The following NCKAP5 variants were observed in gnomAD, a reference collection of about 807,000 sequenced individuals.
NCKAP5 encodes the protein NCK associated protein 5.
A neutral mutation model predicts 167.0 loss-of-function variants in NCKAP5; 92 were observed. The observed-to-expected ratio is 0.55, with a 90% CI of 0.47 to 0.66. NCKAP5 has a LOEUF of 0.66. NCKAP5 is among the 30% of genes least tolerant of loss of function. NCKAP5 has a pLI of 0.00. For missense variants in NCKAP5, 2,378 were observed against 2,315.0 expected, an observed-to-expected ratio of 1.03 and a Z score of -0.56; for synonymous variants, 891 against 877.4, an observed-to-expected ratio of 1.02 and a Z score of -0.27.
chr2:133,579,319 T>A, the NCKAP5 span, among the ~76,000 whole-genome samples: 2 of 152,312 alleles, frequency 1.3e-5, no homozygotes, highest in East Asian at 3.9e-4. Flanking sequence ...GTGTATGTAC[T>A]CTGACTATAG....
chr2:133,541,039 A>G (rs1251616413), intron 2 of NCKAP5, among the ~76,000 whole-genome samples: 2 of 150,928 alleles, frequency 1.3e-5, no homozygotes, highest in African/African-American at 4.8e-5. Flanking sequence ...AAAGATACTA[A>G]ATAAATCTTA....
intron 4 of NCKAP5, among the ~76,000 whole-genome samples, chr2:133,240,418 T>C (rs2087630697): frequency 6.6e-6 from 1 of 152,110 alleles, no homozygotes; most frequent in Non-Finnish European, 1.5e-5. Context: ...ATTGCTCCAA[T>C]ACAGTGTCCG....
Position 133,320,524 on chromosome 2 carries a change from C to T in NCKAP5, c.70-17414G>A, listed in dbSNP as rs190146590. Among the ~76,000 whole-genome samples the T allele has an allele frequency of 1.8e-3, 269 of 152,202 alleles. 3 individuals carry two copies. Among genetic ancestry groups the T allele is most frequent in the East Asian group, 2.5e-3 (13 of 5,156 alleles). ...TGGGCAGATCACGAGGTCAGGAGAT[C>T]GAGACCATCCTGGCTAACATGGTGA... On this transcript the variant is annotated intron_variant, in intron 3 of 19. Transcript: ENST00000409261.
intron 3 of NCKAP5, among the ~76,000 whole-genome samples, chr2:133,432,377 G>A (rs1299865846): frequency 6.6e-6 from 1 of 152,202 alleles, no homozygotes; most frequent in Non-Finnish European, 1.5e-5. Flanking sequence ...ACTCAGTTGA[G>A]TTTAAAATAT....
At chr2:132,677,672 G>C (rs78180284) in intron 19 of NCKAP5, among the ~76,000 whole-genome samples, 2 of 151,938 alleles carry the variant, frequency 1.3e-5, no homozygotes, top group Non-Finnish European at 2.9e-5. Flanking sequence ...ACCATGAGTT[G>C]CCCAGAGGGT....
chr2:133,456,200 A>T (rs1574985562), intron 3 of NCKAP5, among the ~76,000 whole-genome samples: 1 of 152,168 alleles, frequency 6.6e-6, no homozygotes, highest in Non-Finnish European at 1.5e-5. Flanking sequence ...TCACTAACAA[A>T]ACCCCCATAT....
intron 3 of NCKAP5, among the ~76,000 whole-genome samples, chr2:133,373,872 T>C (rs1685965559): frequency 6.6e-6 from 1 of 152,194 alleles, no homozygotes. Flanking sequence ...GACGTTCACA[T>C]GCCAAAAAGT....
chr2:133,116,487 C>CAAAAA (rs1176731938), intron 6 of NCKAP5, among the ~76,000 whole-genome samples: 43 of 7,116 alleles, frequency 6.0e-3, no homozygotes, highest in Non-Finnish European at 8.6e-3. Context: ...GACTCCGTCT[C>CAAAAA]AAAAAAAAAA....
At chr2:133,329,330 C>T (rs1682673144) in intron 3 of NCKAP5, among the ~76,000 whole-genome samples, 1 of 152,170 alleles carries the variant, frequency 6.6e-6, no homozygotes, top group South Asian at 2.1e-4. Flanking sequence ...CTGGGGAAAG[C>T]ACCTAAAAGA....
chr2:132,851,432 CT>C (rs1414934040), intron 11 of NCKAP5, among the ~76,000 whole-genome samples: 4 of 152,156 alleles, frequency 2.6e-5, no homozygotes, highest in African/African-American at 9.7e-5. Flanking sequence ...CTTCATCCCC[CT>C]GATCACACTG....
intron 6 of NCKAP5, among the ~76,000 whole-genome samples, chr2:133,061,157 T>C (rs2079987506): frequency 6.6e-6 from 1 of 152,140 alleles, no homozygotes; most frequent in Non-Finnish European, 1.5e-5. Flanking sequence ...TGATTTTACA[T>C]TGGATTCAAT....
At chr2:132,904,980 C>A (rs555250696) in intron 8 of NCKAP5, among the ~76,000 whole-genome samples, 33 of 152,216 alleles carry the variant, frequency 2.2e-4, no homozygotes, top group African/African-American at 5.5e-4. Context: ...AAAGTCAAAT[C>A]AATCTTCTTT....
chr2:132,921,692 G>A (rs1049925534), intron 8 of NCKAP5, among the ~76,000 whole-genome samples: 3 of 152,086 alleles, frequency 2.0e-5, no homozygotes, highest in Non-Finnish European at 4.4e-5. Context: ...ATGTTTCCTG[G>A]GCCAACATCA....
At chr2:132,953,215 C>G (rs1461227948) in intron 8 of NCKAP5, among the ~76,000 whole-genome samples, 2 of 152,196 alleles carry the variant, frequency 1.3e-5, no homozygotes, top group East Asian at 3.9e-4. Flanking sequence ...TTGACAGGCC[C>G]ATGTTCTGAG....
In NCKAP5 at chr2:133,351,676, C is replaced by G. The variant is rs139419607; in HGVS notation, c.70-48566G>C. Among the ~76,000 whole-genome samples, 38 of 152,252 alleles carry G rather than the reference C, an allele frequency of 2.5e-4. No homozygotes were observed. In the East Asian group the frequency reaches 5.8e-3, roughly 23 times the overall value. On this transcript the variant is annotated intron_variant, in intron 3 of 19. Coordinates refer to ENST00000409261, the MANE Select transcript of NCKAP5 (RefSeq NM_207363.3). ...ATGGCTCTCTCCTCACCTGTGCCCC[C>G]ACCCCAGGACTTCCCCATCCTCCTG...
chr2:133,017,545 A>T (rs189601803), intron 6 of NCKAP5, among the ~76,000 whole-genome samples: 2 of 152,342 alleles, frequency 1.3e-5, no homozygotes, highest in Admixed American at 1.3e-4. Flanking sequence ...TTGAATGGAA[A>T]CATGGCTGAA....
Position 133,451,374 on chromosome 2 carries a change from G to C in NCKAP5, c.69+66084C>G, listed in dbSNP as rs549112823. The stretch of plus-strand genomic sequence containing the variant: ...GTCAGGTGGGTCAGGACCAGTTCAT[G>C]TTCACATATCAGAAAGCATATGCCC... On this transcript the variant is annotated intron_variant, in intron 3 of 19. Transcript: ENST00000409261. Among the ~76,000 whole-genome samples the C allele has an allele frequency of 2.6e-5, 4 of 152,258 alleles. No homozygotes were observed. The South Asian group carries it at 8.3e-4, about 32-fold the overall frequency.
chr2:133,174,234 G>A (rs1384148391), intron 5 of NCKAP5, among the ~76,000 whole-genome samples: 4 of 151,834 alleles, frequency 2.6e-5, no homozygotes, highest in African/African-American at 9.7e-5. Flanking sequence ...TCTCATTATT[G>A]GAATGAGGTT....
chr2:133,366,094 C>A (rs1309805787), intron 3 of NCKAP5, among the ~76,000 whole-genome samples: 2 of 152,072 alleles, frequency 1.3e-5, no homozygotes, highest in Non-Finnish European at 2.9e-5. Context: ...AAGGAAAAAC[C>A]TGCAGAATTG....
Sources: gnomAD v4.1 joint callset for allele counts (sites outside exome capture counted in the v4.1 genomes callset) on GRCh38, gnomAD v4.1.1 for gene constraint, MANE v1.5 for transcripts, NCBI Gene and HGNC (gene_info 2026-07-23, HGNC 2026-07-21) for gene names.